Variants in PIBF1 observed in about 807,000 individuals in gnomAD.
The protein encoded by PIBF1 is progesterone immunomodulatory binding factor 1.
PIBF1 carries 90 observed loss-of-function variants against 112.5 expected under a neutral mutation model. That is an observed-to-expected ratio of 0.80 (90% CI 0.67 to 0.95). PIBF1 has a LOEUF of 0.95. PIBF1 is among the 40% of genes least tolerant of loss of function. PIBF1 has a pLI of 0.00. For synonymous variants in PIBF1, 301 were observed against 288.6 expected (o/e 1.04, Z -0.44); for missense variants, 915 against 852.3 (o/e 1.07, Z -0.92).
chr13:73,001,855 C>T (rs1369648235), intron 17 of PIBF1, among the ~76,000 whole-genome samples: 2 of 152,174 alleles, frequency 1.3e-5, no homozygotes, highest in South Asian at 2.1e-4. Flanking sequence ...AACTCCTGAC[C>T]TCGTGATCTG....
intron 13 of PIBF1, among the ~76,000 whole-genome samples, chr13:72,924,639 G>T (rs184813084): frequency 2.6e-5 from 4 of 152,098 alleles, no homozygotes; most frequent in African/African-American, 9.6e-5. Flanking sequence ...TCACTTGAGC[G>T]CAGGAGGTCA....
chr13:72,870,020 T>C (rs1003266351), intron 10 of PIBF1, among the ~76,000 whole-genome samples: 1 of 152,246 alleles, frequency 6.6e-6, no homozygotes, highest in Non-Finnish European at 1.5e-5. Context: ...TAAGCACTTT[T>C]ATGAATTTTT....
At position 73,007,687 on chromosome 13, in the gene PIBF1, T is replaced by C. The variant is rs368211533; in HGVS notation, c.2224-8182T>C. Among the ~76,000 whole-genome samples the C allele has an allele frequency of 2.5e-4, 38 of 151,856 alleles. No homozygotes were observed. In the East Asian group the frequency reaches 7.0e-3, roughly 28 times the overall value. On this transcript the variant is annotated intron_variant, in intron 17 of 17. Coordinates refer to ENST00000326291, the MANE Select transcript of PIBF1 (RefSeq NM_006346.4). ...AGCCGGGCGTGGTGGCGCACGCCTG[T>C]AATCCTAGCTACTCGGGAGGCTGAG...
intron 10 of PIBF1, among the ~76,000 whole-genome samples, chr13:72,878,138 C>A (rs888336269): frequency 2.6e-5 from 4 of 151,362 alleles, no homozygotes; most frequent in African/African-American, 9.7e-5. Context: ...TTTCAAAGAA[C>A]CACTTTAGAT....
At chr13:72,965,433 A>T (rs1187532749) in intron 15 of PIBF1, 29 bp downstream of exon 15, 1 of 1,565,804 alleles carries the variant, frequency 6.4e-7, no homozygotes, top group Admixed American at 1.8e-5. Context: ...TTTTATTTGA[A>T]TAATAAAGAC....
chr13:72,807,883 G>C (rs1256234785), intron 5 of PIBF1, among the ~76,000 whole-genome samples: 1 of 152,080 alleles, frequency 6.6e-6, no homozygotes, highest in Non-Finnish European at 1.5e-5. Context: ...ATATTTATCA[G>C]TAAATTTCTG....
chr13:72,928,047 A>ATATATATACGTATATATATATATATACG (rs1566458893), intron 13 of PIBF1, among the ~76,000 whole-genome samples: 6 of 139,890 alleles, frequency 4.3e-5, no homozygotes, highest in African/African-American at 1.3e-4. Flanking sequence ...ATATATATAC[A>ATATATATACGTATATATATATATATACG]TATATATATG....
chr13:72,900,527 T>A (rs982905133), intron 11 of PIBF1, among the ~76,000 whole-genome samples: 1 of 152,174 alleles, frequency 6.6e-6, no homozygotes, highest in Non-Finnish European at 1.5e-5. Context: ...TAAATGGTGC[T>A]GGGATAATTA....
At chr13:72,897,597 C>T (rs2040329578) in intron 11 of PIBF1, among the ~76,000 whole-genome samples, 1 of 152,080 alleles carries the variant, frequency 6.6e-6, no homozygotes, top group Non-Finnish European at 1.5e-5. Flanking sequence ...TAAGGACTCA[C>T]ATAAACTTAA....
In PIBF1 at chr13:72,931,230, A is replaced by C; in HGVS notation, c.1796A>C (p.Glu599Ala). The change falls in exon 14 of 18, where the codon GAA becomes GCA. Residue 599 changes from glutamate to alanine, a missense_variant. Transcript: ENST00000326291. ...KQNSLILKDL[E>A]HRKDQVTQLS... is the part of the protein sequence containing the mutation. The stretch of plus-strand genomic sequence containing the variant: ...AACTCGCTGATTTTAAAAGATCTGG[A>C]ACATCGAAAGGACCAAGTAACACAG... 6.2e-7 allele frequency: 1 copy of C among 1,613,100 alleles called. No homozygotes were observed. Among genetic ancestry groups the C allele is most frequent in the Non-Finnish European group, 8.5e-7 (1 of 1,179,348 alleles).
intron 1 of PIBF1, among the ~76,000 whole-genome samples, chr13:72,782,908 T>TGTG (rs1566260541): frequency 3.8e-4 from 50 of 133,280 alleles, no homozygotes; most frequent in African/African-American, 1.2e-3. Flanking sequence ...GTGTGTGTGT[T>TGTG]TGTGTTTGTG....
In PIBF1 at chr13:72,934,979, CTGTT is replaced by C. The variant is rs879489243; in HGVS notation, c.1833+3730_1833+3733del. Among the ~76,000 whole-genome samples the C allele has an allele frequency of 1.2e-3, 185 of 151,748 alleles. 1 individual carries two copies. The highest frequency in any genetic ancestry group is 4.2e-3 in the South Asian group (20 of 4,804). On this transcript the variant is annotated intron_variant, in intron 14 of 17. Transcript: ENST00000326291. The stretch of plus-strand genomic sequence containing the variant: ...TTAGTTAGTTAGTTTGTTTGTCTGT[CTGTT>C]TGTTTGTTTGTTTGTTTATTGAGAC...
chr13:72,873,199 A>G (rs1467684181), intron 10 of PIBF1, among the ~76,000 whole-genome samples: 1 of 152,194 alleles, frequency 6.6e-6, no homozygotes, highest in Non-Finnish European at 1.5e-5. Flanking sequence ...AATCTTTTCA[A>G]CAAATCTTGC....
chr13:72,896,308 C>T (rs986029808), intron 11 of PIBF1, among the ~76,000 whole-genome samples: 5 of 152,144 alleles, frequency 3.3e-5, no homozygotes, highest in Non-Finnish European at 7.4e-5. Flanking sequence ...GAACAACAGC[C>T]TTCAGCCCTT....
intron 5 of PIBF1, among the ~76,000 whole-genome samples, chr13:72,806,284 G>A (rs1425981527): frequency 2.6e-5 from 4 of 151,950 alleles, no homozygotes; most frequent in African/African-American, 9.7e-5. Flanking sequence ...CATATGAGTA[G>A]AGTCCTACAG....
intron 14 of PIBF1, among the ~76,000 whole-genome samples, chr13:72,947,528 C>T (rs1400777287): frequency 6.6e-6 from 1 of 152,174 alleles, no homozygotes; most frequent in South Asian, 2.1e-4. Context: ...GCTCAAATTT[C>T]TCCCCAGAAA....
At chr13:72,887,439 T>C (rs1016784242) in intron 10 of PIBF1, among the ~76,000 whole-genome samples, 6 of 151,878 alleles carry the variant, frequency 4.0e-5, no homozygotes, top group African/African-American at 1.4e-4. Context: ...GTAAGTGTGC[T>C]TATTTTTGTA....
At chr13:73,009,873 A>G (rs1016793832) in intron 17 of PIBF1, among the ~76,000 whole-genome samples, 4 of 152,248 alleles carry the variant, frequency 2.6e-5, no homozygotes, top group Non-Finnish European at 5.9e-5. Context: ...GCAGACACAG[A>G]TAAAAGGAGA....
intron 13 of PIBF1, among the ~76,000 whole-genome samples, chr13:72,926,528 G>T (rs1566455696): frequency 6.6e-6 from 1 of 152,102 alleles, no homozygotes; most frequent in Non-Finnish European, 1.5e-5. Context: ...AGGCCATCCT[G>T]CACACTACTG....
Sources: gnomAD v4.1 joint callset for allele counts (sites outside exome capture counted in the v4.1 genomes callset) on GRCh38, gnomAD v4.1.1 for gene constraint, MANE v1.5 for transcripts, NCBI Gene and HGNC (gene_info 2026-07-23, HGNC 2026-07-21) for gene names.